Variants in AGBL4 observed in about 807,000 individuals in gnomAD.
AGBL4 encodes the protein AGBL carboxypeptidase 4.
Under a neutral mutation model 66.4 loss-of-function variants are expected in AGBL4, and 58 were observed. The ratio of observed to expected loss-of-function variants is 0.87; its 90% CI spans 0.71 to 1.09. The LOEUF (loss-of-function observed/expected upper bound fraction) is 1.09. Ranked by LOEUF, AGBL4 falls within the 50% of genes least tolerant of loss-of-function variation. The probability of loss-of-function intolerance (pLI) is 0.00; values close to 1 mark genes in which losing one functional copy is unlikely to be tolerated. For missense variants in AGBL4, 579 were observed against 631.0 expected (o/e 0.92, Z 0.88); for synonymous variants, 234 against 222.9 (o/e 1.05, Z -0.44).
intron 5 of AGBL4, among the ~76,000 whole-genome samples, chr1:49,025,232 G>A (rs560596293): frequency 6.6e-6 from 1 of 152,270 alleles, no homozygotes; most frequent in Admixed American, 6.5e-5. Flanking sequence ...AGTTGCAGTG[G>A]ACAGAGGCTA....
At chr1:48,642,712 T>C (rs1043726872) in intron 8 of AGBL4, among the ~76,000 whole-genome samples, 1 of 152,092 alleles carries the variant, frequency 6.6e-6, no homozygotes, top group Non-Finnish European at 1.5e-5. Flanking sequence ...TTTTGAAAGG[T>C]CTGAGGGAGG....
intron 3 of AGBL4, among the ~76,000 whole-genome samples, chr1:49,666,901 G>T (rs1427090778): frequency 6.6e-6 from 1 of 152,072 alleles, no homozygotes; most frequent in Admixed American, 6.6e-5. Context: ...TCAAGAGCCT[G>T]TTGGAGTAAG....
In AGBL4 at chr1:48,586,809, TG is replaced by T. The variant is rs140798291; in HGVS notation, c.1267+194del. On this transcript the variant is annotated intron_variant, in intron 11 of 13. Transcript: ENST00000371839. ...TGGGAAAGATTTGGAGCATGGCAAT[TG>T]GGGTAGGAGTATCATACTAAGGGCT... 4,424 of 631,358 alleles carry T rather than the reference TG, an allele frequency of 7.0e-3. 169 individuals are homozygous for T. In the African/African-American group the frequency reaches 0.074, roughly 11 times the overall value. 39.1% of individuals were successfully genotyped at this position (631,358 alleles called of 1,614,324 possible).
intron 5 of AGBL4, among the ~76,000 whole-genome samples, chr1:48,888,533 G>A (rs533123295): frequency 3.3e-5 from 5 of 152,212 alleles, no homozygotes; most frequent in Admixed American, 2.0e-4. Context: ...TTCTTAACCT[G>A]ACATCCAAGG....
At chr1:49,074,097 C>T (rs1394833012) in intron 4 of AGBL4, among the ~76,000 whole-genome samples, 1 of 152,190 alleles carries the variant, frequency 6.6e-6, no homozygotes, top group Non-Finnish European at 1.5e-5. Flanking sequence ...CACCAAGCTC[C>T]AGCATCCCAG....
At chr1:49,393,204 G>T (rs1644886391) in intron 3 of AGBL4, among the ~76,000 whole-genome samples, 1 of 152,164 alleles carries the variant, frequency 6.6e-6, no homozygotes, top group Admixed American at 6.5e-5. Flanking sequence ...GGTTATTATA[G>T]TATTAGTAGT....
chr1:49,963,744 T>A (rs72905764), intron 1 of AGBL4, among the ~76,000 whole-genome samples: 2,770 of 152,222 alleles, frequency 0.018, 80 homozygotes, highest in African/African-American at 0.063. Flanking sequence ...TGCCCATGAA[T>A]ATGTGGTACA....
chr1:49,712,831 C>G (rs1300754977), intron 2 of AGBL4, among the ~76,000 whole-genome samples: 2 of 151,868 alleles, frequency 1.3e-5, no homozygotes, highest in African/African-American at 2.4e-5. Flanking sequence ...TTCTTACTTT[C>G]TTTGTGCTTT....
chr1:49,890,227 G>A (rs1648503070), intron 1 of AGBL4, among the ~76,000 whole-genome samples: 1 of 152,124 alleles, frequency 6.6e-6, no homozygotes, highest in African/African-American at 2.4e-5. Flanking sequence ...ATATCACACA[G>A]AATTAGTGAA....
chr1:49,536,297 G>A (rs1237516417), intron 3 of AGBL4, among the ~76,000 whole-genome samples: 1 of 152,140 alleles, frequency 6.6e-6, no homozygotes, highest in African/African-American at 2.4e-5. Context: ...TATATTACTA[G>A]GAATTCTGTG....
intron 1 of AGBL4, among the ~76,000 whole-genome samples, chr1:49,872,467 T>C (rs1646861229): frequency 6.6e-6 from 1 of 152,082 alleles, no homozygotes; most frequent in East Asian, 1.9e-4. Context: ...AACTTTGCCA[T>C]ATCTCTTGTC....
intron 6 of AGBL4, among the ~76,000 whole-genome samples, chr1:48,841,411 C>A (rs377342330): frequency 1.3e-4 from 11 of 84,454 alleles, no homozygotes; most frequent in African/African-American, 3.5e-4. Context: ...CCCCCCCCCC[C>A]CAAAAAAAAA....
At chr1:48,926,247 ATTTT>A (rs2148897537) in intron 5 of AGBL4, among the ~76,000 whole-genome samples, 1 of 119,874 alleles carries the variant, frequency 8.3e-6, no homozygotes, top group South Asian at 3.1e-4. Context: ...ACCATGAATT[ATTTT>A]ATTTTATTTT....
At chr1:48,836,927 T>A (rs1273508172) in intron 6 of AGBL4, among the ~76,000 whole-genome samples, 1 of 149,992 alleles carries the variant, frequency 6.7e-6, no homozygotes, top group Admixed American at 6.7e-5. Context: ...CTCATGAGGG[T>A]TAAAAGATAA....
At chr1:49,736,484 T>C (rs1649900099) in intron 2 of AGBL4, among the ~76,000 whole-genome samples, 1 of 152,062 alleles carries the variant, frequency 6.6e-6, no homozygotes, top group Non-Finnish European at 1.5e-5. Context: ...CTGCCCTATA[T>C]AACAAATGGA....
At chr1:49,395,673 C>T (rs1463006230) in intron 3 of AGBL4, among the ~76,000 whole-genome samples, 3 of 147,956 alleles carry the variant, frequency 2.0e-5, no homozygotes, top group Non-Finnish European at 3.0e-5. Flanking sequence ...TCTGTCCTCA[C>T]TCCCACTGTC....
chr1:49,292,503 C>T (rs893535882), intron 3 of AGBL4, among the ~76,000 whole-genome samples: 5 of 152,204 alleles, frequency 3.3e-5, no homozygotes, highest in Admixed American at 1.3e-4. Context: ...CATCTTCTCC[C>T]CTCTGAGGCC....
intron 6 of AGBL4, among the ~76,000 whole-genome samples, chr1:48,779,219 C>T (rs929404686): frequency 6.6e-5 from 10 of 152,018 alleles, no homozygotes; most frequent in African/African-American, 2.4e-4. Flanking sequence ...CAATGGCCAA[C>T]CTCCTCTCTG....
At chr1:49,732,059 C>G (rs1345047006) in intron 2 of AGBL4, among the ~76,000 whole-genome samples, 1 of 152,134 alleles carries the variant, frequency 6.6e-6, no homozygotes, top group East Asian at 1.9e-4. Context: ...TTGAAGAGGT[C>G]TTACTCAATT....
Sources: allele counts gnomAD v4.1 joint callset (sites outside exome capture counted in the v4.1 genomes callset), GRCh38; gene constraint gnomAD v4.1.1; transcripts MANE v1.5; gene names NCBI Gene and HGNC (gene_info 2026-07-23, HGNC 2026-07-21).